The following MYRIP variants were observed in gnomAD, a reference collection of about 807,000 sequenced individuals.
MYRIP encodes the protein rab effector MyRIP.
In MYRIP, 49 loss-of-function variants were observed where a neutral mutation model predicts 98.0. The observed-to-expected ratio is 0.50, with a 90% confidence interval of 0.40 to 0.63. The LOEUF is 0.63. MYRIP is among the 30% of genes least tolerant of loss of function. The pLI is 0.00. For synonymous variants in MYRIP, 404 were observed against 409.5 expected (o/e 0.99, Z 0.16); for missense variants, 1,004 against 1,058.2 (o/e 0.95, Z 0.71).
chr3:40,162,314 C>A (rs1205885518), intron 4 of MYRIP, among the ~76,000 whole-genome samples: 1 of 152,122 alleles, frequency 6.6e-6, no homozygotes, highest in Non-Finnish European at 1.5e-5. Flanking sequence ...ATACCTAGGC[C>A]AAAGCCAGAC....
At chr3:39,914,882 TA>T (rs1177911038) in intron 2 of MYRIP, among the ~76,000 whole-genome samples, 3 of 150,600 alleles carry the variant, frequency 2.0e-5, no homozygotes, top group African/African-American at 7.4e-5. Flanking sequence ...CAAAATGTAA[TA>T]AAAAAATTTA....
At chr3:40,157,841 A>G (rs1950279781) in intron 4 of MYRIP, among the ~76,000 whole-genome samples, 1 of 150,954 alleles carries the variant, frequency 6.6e-6, no homozygotes, top group African/African-American at 2.4e-5. Context: ...CGGTGGTGAT[A>G]TCCCCTTTAT....
intron 10 of MYRIP, among the ~76,000 whole-genome samples, chr3:40,200,262 G>A (rs557245745): frequency 6.6e-6 from 1 of 151,734 alleles, no homozygotes; most frequent in African/African-American, 2.4e-5. Flanking sequence ...TAGCTGATGA[G>A]CTAAAAGAAA....
chr3:39,950,419 T>C (rs1257780020), intron 2 of MYRIP, among the ~76,000 whole-genome samples: 1 of 152,218 alleles, frequency 6.6e-6, no homozygotes, highest in African/African-American at 2.4e-5. Context: ...AATGCATACA[T>C]TTTTTCATAT....
At chr3:39,881,832 AG>A (rs1943162417) in intron 1 of MYRIP, among the ~76,000 whole-genome samples, 1 of 152,010 alleles carries the variant, frequency 6.6e-6, no homozygotes, top group African/African-American at 2.4e-5. Context: ...CACTATACCA[AG>A]TCAGTTTTCC....
chr3:39,994,935 A>T (rs1196385934), intron 2 of MYRIP, among the ~76,000 whole-genome samples: 1 of 152,350 alleles, frequency 6.6e-6, no homozygotes, highest in East Asian at 1.9e-4. Flanking sequence ...CAGGGTCTGG[A>T]GTGGACCTCC....
rs754605341 is a variant in MYRIP at position 40,190,167 on chromosome 3, ACCT to A, written c.1375_1377del (p.Ser459del). 1.9e-6 allele frequency: 3 copies of A among 1,613,678 alleles called. No homozygotes were observed. Among genetic ancestry groups the A allele is most frequent in the African/African-American group, 1.3e-5 (1 of 74,878 alleles). ...TGAGGCCATGTGCTCTGACTCGGAG[ACCT>A]CCTCCGCAGGCTCTTCCCGAGAAGT... is the stretch of plus-strand genomic sequence containing the variant. On this transcript the variant is annotated inframe_deletion, in exon 10 of 17. Transcript: ENST00000302541.
intron 11 of MYRIP, among the ~76,000 whole-genome samples, chr3:40,210,418 C>T (rs891375877): frequency 6.6e-6 from 1 of 152,186 alleles, no homozygotes; most frequent in Non-Finnish European, 1.5e-5. Flanking sequence ...GCTCCACCCT[C>T]TCCCTGAGCA....
intron 2 of MYRIP, among the ~76,000 whole-genome samples, chr3:40,034,645 C>T (rs980944309): frequency 3.3e-5 from 5 of 149,570 alleles, no homozygotes; most frequent in Admixed American, 6.6e-5. Context: ...CTAGTTCAAC[C>T]ATTGTGGAAG....
chr3:40,255,875 A>G (rs1012877228), intron 16 of MYRIP, among the ~76,000 whole-genome samples: 3 of 152,242 alleles, frequency 2.0e-5, no homozygotes, highest in Non-Finnish European at 4.4e-5. Context: ...CCAGGCATCA[A>G]TGGACCATTT....
chr3:39,821,961 T>A (rs1941114316), intron 1 of MYRIP, among the ~76,000 whole-genome samples: 1 of 150,830 alleles, frequency 6.6e-6, no homozygotes, highest in Non-Finnish European at 1.5e-5. Flanking sequence ...AAATATTCCA[T>A]TTTTTAACTG....
At chr3:40,253,371 T>C (rs1450103914) in intron 16 of MYRIP, among the ~76,000 whole-genome samples, 2 of 152,212 alleles carry the variant, frequency 1.3e-5, no homozygotes, top group African/African-American at 2.4e-5. Flanking sequence ...AATGGCCATA[T>C]GAAGGTTCAG....
intron 2 of MYRIP, among the ~76,000 whole-genome samples, chr3:39,967,465 A>G (rs2125739974): frequency 6.6e-6 from 1 of 152,178 alleles, no homozygotes; most frequent in Middle Eastern, 3.4e-3. Flanking sequence ...TATGTACCAT[A>G]TTTTCTTTAT....
chr3:40,086,634 C>T (rs1948633440), intron 3 of MYRIP, among the ~76,000 whole-genome samples: 1 of 152,190 alleles, frequency 6.6e-6, no homozygotes, highest in African/African-American at 2.4e-5. Flanking sequence ...GAAAGAATAC[C>T]AACCCTATCA....
chr3:40,178,007 T>A (rs1950805156), intron 8 of MYRIP, among the ~76,000 whole-genome samples: 1 of 152,230 alleles, frequency 6.6e-6, no homozygotes, highest in Non-Finnish European at 1.5e-5. Flanking sequence ...GGATTGAATT[T>A]AATACTTACA....
chr3:39,809,763 G>T lies in MYRIP; in HGVS notation c.-184G>T, dbSNP rs916602860. ...CGGTGCTGCAGCCCAGCTTTAGCGC[G>T]CAGACCGACCCGCGCCCCTTCTTCG... is the stretch of plus-strand genomic sequence containing the variant. On this transcript the variant is annotated 5_prime_UTR_variant, in exon 1 of 17. Coordinates refer to ENST00000302541, the MANE Select transcript of MYRIP (RefSeq NM_015460.4). 1.3e-5 allele frequency: 2 copies of T among 152,172 alleles called. No homozygotes were observed. The highest frequency in any genetic ancestry group is 1.9e-4 in the East Asian group (1 of 5,160). 9.4% of individuals were successfully genotyped at this position (152,172 alleles called of 1,614,324 possible).
At chr3:39,837,929 C>T (rs1341924101) in intron 1 of MYRIP, among the ~76,000 whole-genome samples, 9 of 152,174 alleles carry the variant, frequency 5.9e-5, no homozygotes, top group African/African-American at 1.9e-4. Flanking sequence ...AGAGGTCCTT[C>T]GCATCCCTTG....
intron 9 of MYRIP, among the ~76,000 whole-genome samples, chr3:40,182,988 A>C (rs1488424196): frequency 6.6e-6 from 1 of 152,234 alleles, no homozygotes; most frequent in Non-Finnish European, 1.5e-5. Context: ...AAGCCTTCAG[A>C]GGCCAAAGTA....
intron 11 of MYRIP, among the ~76,000 whole-genome samples, chr3:40,217,990 A>G (rs72858622): frequency 0.053 from 8,076 of 152,258 alleles, 691 homozygotes; most frequent in African/African-American, 0.18. Context: ...GCCTATCACA[A>G]AAGAGTAATA....
Sources: allele counts gnomAD v4.1 joint callset (sites outside exome capture counted in the v4.1 genomes callset), GRCh38; gene constraint gnomAD v4.1.1; transcripts MANE v1.5; gene names NCBI Gene and HGNC (gene_info 2026-07-23, HGNC 2026-07-21).